ERGIC1: variants seen among roughly 807,000 people sequenced by gnomAD.
ERGIC1 encodes endoplasmic reticulum-Golgi intermediate compartment protein 1.
Under a neutral mutation model 38.3 loss-of-function variants are expected in ERGIC1, and 19 were observed. The ratio of observed to expected loss-of-function variants is 0.50; its 90% CI spans 0.35 to 0.73. The LOEUF is 0.73. Among genes scored for constraint, ERGIC1 ranks in the 30% least tolerant of loss-of-function variants. The pLI is 0.01. For missense variants in ERGIC1, 294 were observed against 389.2 expected, an observed-to-expected ratio of 0.76 and a Z score of 2.06; for synonymous variants, 124 against 157.6, an observed-to-expected ratio of 0.79 and a Z score of 1.60.
rs1032336733 is a variant in ERGIC1 at position 172,834,586 on chromosome 5, C to A, written c.20+153C>A. On this transcript the variant is annotated intron_variant, in intron 1 of 9. Coordinates refer to ENST00000393784, the MANE Select transcript of ERGIC1 (RefSeq NM_001031711.3). The surrounding 1 kb of genome is among the most constrained non-coding windows in gnomAD (Gnocchi z 4.1). Reference sequence around the variant, plus strand: ...CCCTAGGGACCCCAGGCGAGCCCCCCCCCTGCCGCACACGAAGCCAGCCAG... The same window carrying A: ...CCCTAGGGACCCCAGGCGAGCCCCCACCCTGCCGCACACGAAGCCAGCCAG... 2.9e-4 allele frequency among the ~76,000 whole-genome samples: 39 copies of A among 133,082 alleles called. No individual in the cohort carries two copies. Among genetic ancestry groups the A allele is most frequent in the African/African-American group, 9.7e-4 (35 of 35,960 alleles). 87.3% of individuals were successfully genotyped at this position (133,082 alleles called of 152,430 possible). A position where few individuals can be genotyped will look rare whatever the true frequency, so the allele number is the denominator to read the frequency against.
chr5:172,950,685 C>T (rs1353583067), intron 9 of ERGIC1, 24 bp from the exon 10 acceptor site: 3 of 1,600,532 alleles, frequency 1.9e-6, no homozygotes, highest in East Asian at 4.5e-5. Context: ...CTGACACTCC[C>T]ACCCCACCCC....
At chr5:172,888,892 T>A in intron 2 of ERGIC1, 132 bp downstream of exon 2, 1 of 850,798 alleles carries the variant, frequency 1.2e-6, no homozygotes, top group Non-Finnish European at 2.0e-6. Context: ...CTGAGCATCT[T>A]GCGGGGGCCC....
intron 3 of ERGIC1, among the ~76,000 whole-genome samples, chr5:172,903,833 C>T (rs1033491701): frequency 6.6e-6 from 1 of 151,940 alleles, no homozygotes; most frequent in Non-Finnish European, 1.5e-5. Flanking sequence ...GGATTCGAAC[C>T]CTGGTAGCCT....
intron 2 of ERGIC1, among the ~76,000 whole-genome samples, chr5:172,894,398 G>T (rs1762670326): frequency 6.6e-6 from 1 of 151,724 alleles, no homozygotes; most frequent in African/African-American, 2.4e-5. Context: ...GTTTCACCGT[G>T]TTGGTCAGGC....
At chr5:172,918,369 G>A (rs974323278) in intron 5 of ERGIC1, 3 of 152,288 alleles carry the variant, frequency 2.0e-5, no homozygotes, top group African/African-American at 2.4e-5. Context: ...AGGATCATCC[G>A]TGGCACCAAA....
intron 2 of ERGIC1, among the ~76,000 whole-genome samples, chr5:172,895,403 C>T (rs1406259192): frequency 6.6e-6 from 1 of 152,130 alleles, no homozygotes; most frequent in Non-Finnish European, 1.5e-5. Flanking sequence ...GGCCCCAGCG[C>T]AGTCCTTAGT....
At chr5:172,909,555 G>A (rs1763154536) in intron 3 of ERGIC1, 112 bp from the exon 4 acceptor site, 3 of 950,786 alleles carry the variant, frequency 3.2e-6, no homozygotes, top group Non-Finnish European at 5.1e-6. Flanking sequence ...CCCAGGTGGA[G>A]TCTGGGTTAT....
rs549155669 is a variant in ERGIC1 at position 172,947,704 on chromosome 5, A to G, written c.766-3005A>G. Among the ~76,000 whole-genome samples, 3 of 152,310 alleles carry G rather than the reference A, an allele frequency of 2.0e-5. No individual in the cohort carries two copies. The East Asian group carries it at 5.8e-4, about 29-fold the overall frequency. ...AGTTGCATAGCAGTTTCCATGCCCC[A>G]GGGCCTCAGTTTCCCCTCAGGCGAT... On this transcript the variant is annotated intron_variant, in intron 9 of 9. Coordinates refer to ENST00000393784, the MANE Select transcript of ERGIC1 (RefSeq NM_001031711.3).
chr5:172,926,834 G>A lies in ERGIC1; in HGVS notation c.541+265G>A, dbSNP rs1763662340. 2.0e-6 allele frequency: 1 copy of A among 503,106 alleles called. No homozygotes were observed. Among genetic ancestry groups the A allele is most frequent in the East Asian group, 3.4e-5 (1 of 29,572 alleles). The allele number at this position is 503,106 out of a possible 1,614,324, so 31.2% of individuals were successfully genotyped here. A position where few individuals can be genotyped will look rare whatever the true frequency, so the allele number is the denominator to read the frequency against. On this transcript the variant is annotated intron_variant, in intron 7 of 9. Transcript: ENST00000393784. The surrounding 1 kb of genome is among the most constrained non-coding windows in gnomAD (Gnocchi z 5.2). ...GTGGATACCAGCTATTACCATTATTGTTGCTCTCATCACAGCCACATCATC... is the reference window on the plus strand; with the variant it reads ...GTGGATACCAGCTATTACCATTATTATTGCTCTCATCACAGCCACATCATC...
intron 3 of ERGIC1, among the ~76,000 whole-genome samples, chr5:172,909,039 G>A (rs980484789): frequency 2.0e-5 from 3 of 152,164 alleles, no homozygotes; most frequent in African/African-American, 7.2e-5. Flanking sequence ...CTTAACAGGT[G>A]TGTTCACAGA....
rs762041182 is a variant in ERGIC1 at position 172,888,770 on chromosome 5, C to T, written c.82+10C>T. 1 of 1,613,348 alleles carries T rather than the reference C, an allele frequency of 6.2e-7. No individual in the cohort carries two copies. The highest frequency in any genetic ancestry group is 1.7e-5 in the Admixed American group (1 of 60,022). On this transcript the variant is annotated intron_variant, in intron 2 of 9. Coordinates refer to ENST00000393784, the MANE Select transcript of ERGIC1 (RefSeq NM_001031711.3). ...TACACCGGGGCCATTAGTGAGTAGC[C>T]AACCTCTGGCCATGCCCTCTGCCCC... is the stretch of plus-strand genomic sequence containing the variant.
chr5:172,842,106 G>T (rs927548375), intron 1 of ERGIC1, among the ~76,000 whole-genome samples: 17 of 152,166 alleles, frequency 1.1e-4, no homozygotes, highest in African/African-American at 4.1e-4. Flanking sequence ...GAGTGCAATG[G>T]CGCAATCTCG....
chr5:172,854,208 C>G (rs1408388074), intron 1 of ERGIC1, among the ~76,000 whole-genome samples: 2 of 150,160 alleles, frequency 1.3e-5, no homozygotes, highest in Admixed American at 6.6e-5. Context: ...TAGTGAGACT[C>G]CATCTCTACA....
In ERGIC1 at chr5:172,834,400, C is replaced by G. The variant is rs1760975839; in HGVS notation, c.-14C>G. On this transcript the variant is annotated 5_prime_UTR_variant, in exon 1 of 10. Coordinates refer to ENST00000393784, the MANE Select transcript of ERGIC1 (RefSeq NM_001031711.3). This position sits in a 1 kb window ranked among gnomAD's most constrained non-coding sequence, Gnocchi z 4.1. ...CGCCTGGCCTGCAGCGCTCCCACCC[C>G]CGGCGGCGGCACGATGCCCTTTGAC... 1 of 1,326,064 alleles carries G rather than the reference C, an allele frequency of 7.5e-7. No homozygotes were observed. The highest frequency in any genetic ancestry group is 3.5e-5 in the Admixed American group (1 of 28,820). 82.1% of individuals were successfully genotyped at this position (1,326,064 alleles called of 1,614,324 possible). A position where few individuals can be genotyped will look rare whatever the true frequency, so the allele number is the denominator to read the frequency against.
intron 1 of ERGIC1, among the ~76,000 whole-genome samples, chr5:172,886,226 A>G (rs1454271957): frequency 6.6e-6 from 1 of 152,012 alleles, no homozygotes; most frequent in Non-Finnish European, 1.5e-5. Flanking sequence ...CTCCCTGCAC[A>G]TCGGGCTGTA....
At chr5:172,903,725 C>G (rs754287378) in intron 3 of ERGIC1, among the ~76,000 whole-genome samples, 1 of 151,296 alleles carries the variant, frequency 6.6e-6, no homozygotes, top group Non-Finnish European at 1.5e-5. Flanking sequence ...TCAGCAACCC[C>G]ATAGCAACCC....
Position 172,935,269 on chromosome 5 carries a change from T to C in ERGIC1, c.724T>C (p.Tyr242His). ...CGACCTCAGCCCCATCACGGTCAAG[T>C]ACACAGAGAGACGGCAGCCGCTGTA... ...RYDLSPITVK[Y>H]TERRQPLYRF... Residue 242 changes from tyrosine to histidine, a missense_variant, in exon 9 of 10, where the codon TAC (tyrosine) becomes CAC (histidine). By Grantham distance (83) the Tyr-to-His change is moderately conservative. Transcript: ENST00000393784. 1 of 1,614,162 alleles carries C rather than the reference T, an allele frequency of 6.2e-7. No individual in the cohort carries two copies. The highest frequency in any genetic ancestry group is 8.5e-7 in the Non-Finnish European group (1 of 1,180,034).
chr5:172,876,465 G>T (rs1762141374), intron 1 of ERGIC1, among the ~76,000 whole-genome samples: 1 of 152,112 alleles, frequency 6.6e-6, no homozygotes, highest in Non-Finnish European at 1.5e-5. Context: ...GGATCTTAAA[G>T]GTGTCCAACA....
chr5:172,843,983 C>T (rs1479301735), intron 1 of ERGIC1, among the ~76,000 whole-genome samples: 4 of 152,152 alleles, frequency 2.6e-5, no homozygotes, highest in Non-Finnish European at 2.9e-5. Context: ...CCTTTCCTGG[C>T]GGCATAGTCC....
Sources: gnomAD v4.1 joint callset for allele counts (sites outside exome capture counted in the v4.1 genomes callset) on GRCh38, gnomAD v4.1.1 for gene constraint, Gnocchi (gnomAD v3.1) non-coding constraint, MANE v1.5 for transcripts, NCBI Gene and HGNC (gene_info 2026-07-23, HGNC 2026-07-21) for gene names.